SRRM4: variants seen among roughly 807,000 people sequenced by gnomAD.
SRRM4 encodes serine/arginine repetitive matrix 4, also known as serine/arginine repetitive matrix protein 4.
SRRM4 carries 33 observed loss-of-function variants against 68.9 expected under a neutral mutation model. The ratio of observed to expected loss-of-function variants is 0.48; its 90% confidence interval spans 0.36 to 0.64. The LOEUF is 0.64. SRRM4 is among the 30% of genes least tolerant of loss of function. The probability of loss-of-function intolerance (pLI) is 0.00; values close to 1 mark genes in which losing one functional copy is unlikely to be tolerated. For synonymous variants in SRRM4, 318 were observed against 318.8 expected (o/e 1.00, Z 0.03); for missense variants, 817 against 827.1 (o/e 0.99, Z 0.15).
chr12:119,075,769 G>A (rs1303720931), intron 1 of SRRM4, among the ~76,000 whole-genome samples: 2 of 52,550 alleles, frequency 3.8e-5, no homozygotes, highest in Non-Finnish European at 8.9e-5. Context: ...TGGTGATGAT[G>A]GTGGTGATGA....
At chr12:119,035,311 G>A (rs1953619681) in intron 1 of SRRM4, among the ~76,000 whole-genome samples, 1 of 152,118 alleles carries the variant, frequency 6.6e-6, no homozygotes, top group Admixed American at 6.5e-5. Flanking sequence ...CCCCTGCTTT[G>A]CTGGTAGAAT....
At chr12:119,055,389 T>C (rs943240810) in intron 1 of SRRM4, among the ~76,000 whole-genome samples, 1 of 152,136 alleles carries the variant, frequency 6.6e-6, no homozygotes, top group African/African-American at 2.4e-5. Context: ...GTAATTAACA[T>C]TGTGGCTTTT....
chr12:119,142,127 G>A lies in SRRM4; in HGVS notation c.772-3254G>A, dbSNP rs374141038. Among the ~76,000 whole-genome samples the A allele has an allele frequency of 1.6e-3, 244 of 152,308 alleles. 1 individual carries two copies. The highest frequency in any genetic ancestry group is 5.8e-3 in the African/African-American group (240 of 41,562). On this transcript the variant is annotated intron_variant, in intron 8 of 12. Coordinates refer to ENST00000267260, the MANE Select transcript of SRRM4 (RefSeq NM_194286.4). ...GCTGTGGGGGCCAGGGTGGGATGGT[G>A]TGGAAGAGATGCTATTTGTGAAGTA...
chr12:119,116,915 T>A (rs1439837410), intron 3 of SRRM4, 22 bp from the exon 4 acceptor site: 1 of 1,612,236 alleles, frequency 6.2e-7, no homozygotes, highest in South Asian at 1.1e-5. Context: ...CCTTCTGAAA[T>A]GTGTCTTCTT....
At position 119,129,647 on chromosome 12, in the gene SRRM4, A is replaced by T. The variant is rs538729904; in HGVS notation, c.615-1031A>T. ...CATTAAACTGAATAACTGAATCTGG[A>T]TGGGGACCTTTTCTGTTTTTAAAGC... On this transcript the variant is annotated intron_variant, in intron 7 of 12. Transcript: ENST00000267260. Among the ~76,000 whole-genome samples the T allele has an allele frequency of 3.9e-5, 6 of 152,378 alleles. No homozygotes were observed. The South Asian group carries it at 1.0e-3, about 26-fold the overall frequency.
chr12:119,075,400 GATGATAATGATGGTGATGATGACAGTA>G (rs1301312389), intron 1 of SRRM4, among the ~76,000 whole-genome samples: 103 of 152,040 alleles, frequency 6.8e-4, no homozygotes, highest in African/African-American at 2.4e-3. Context: ...TGATGATGAT[GATGATAATGATGGTGATGATGACAGTA>G]ATGATGATGA....
intron 1 of SRRM4, among the ~76,000 whole-genome samples, chr12:119,083,456 C>T (rs1953961596): frequency 6.6e-6 from 1 of 152,004 alleles, no homozygotes; most frequent in Non-Finnish European, 1.5e-5. Context: ...GGATAAATAT[C>T]CCAGCTCCCT....
chr12:119,117,073 C>T, intron 4 of SRRM4, 65 bp downstream of exon 4: 1 of 1,302,554 alleles, frequency 7.7e-7, no homozygotes, highest in Non-Finnish European at 1.1e-6. Flanking sequence ...GTTGATGGCA[C>T]TAAAAGGTCA....
chr12:119,121,702 A>G (rs1465918976), intron 5 of SRRM4, among the ~76,000 whole-genome samples: 1 of 152,174 alleles, frequency 6.6e-6, no homozygotes, highest in Non-Finnish European at 1.5e-5. Flanking sequence ...GCCTCCACCC[A>G]TAGGTTGTGG....
intron 1 of SRRM4, among the ~76,000 whole-genome samples, chr12:119,036,071 G>A (rs1003365801): frequency 3.3e-5 from 5 of 152,160 alleles, no homozygotes; most frequent in African/African-American, 1.2e-4. Context: ...ATAAGAGATA[G>A]ATGGAGCCAA....
chr12:119,089,715 C>T (rs1954002644), intron 1 of SRRM4, among the ~76,000 whole-genome samples: 1 of 151,452 alleles, frequency 6.6e-6, no homozygotes, highest in Non-Finnish European at 1.5e-5. Flanking sequence ...GTATAGACCA[C>T]CCTCTCTATT....
chr12:118,982,097 G>A (rs1280411528), intron 1 of SRRM4, 84 bp downstream of exon 1: 1 of 1,487,852 alleles, frequency 6.7e-7, no homozygotes. Context: ...GTGGATGCAG[G>A]CAGCCGGGCC....
At chr12:119,132,923 G>A (rs143168346) in intron 8 of SRRM4, 18 of 152,266 alleles carry the variant, frequency 1.2e-4, no homozygotes, top group African/African-American at 4.3e-4. Context: ...TTACTTAAAT[G>A]TTTCTGAGCT....
chr12:119,079,889 A>ATT (rs1412489649), intron 1 of SRRM4, among the ~76,000 whole-genome samples: 1 of 34,372 alleles, frequency 2.9e-5, no homozygotes, highest in African/African-American at 1.6e-4. Flanking sequence ...AATATTCTGA[A>ATT]GTTTTTTTTT....
In SRRM4 at chr12:118,981,774, T is replaced by A; in HGVS notation, c.-109T>A. ...TCCGATCTCTCCCACCCCACCCCTC[T>A]CTGGGTTTCACCCGGACAGAGCCGG... On this transcript the variant is annotated 5_prime_UTR_variant, in exon 1 of 13. Coordinates refer to ENST00000267260, the MANE Select transcript of SRRM4 (RefSeq NM_194286.4). The A allele has an allele frequency of 5.8e-5, 68 of 1,175,868 alleles. No individual in the cohort carries two copies. Among genetic ancestry groups the A allele is most frequent in the African/African-American group, 1.7e-4 (11 of 63,788 alleles). The allele number at this position is 1,175,868 out of a possible 1,614,324, so 72.8% of individuals were successfully genotyped here.
intron 8 of SRRM4, among the ~76,000 whole-genome samples, chr12:119,137,214 G>T (rs11064681): frequency 0.67 from 101,541 of 151,806 alleles, 35,469 homozygotes; most frequent in African/African-American, 0.88. Context: ...AAAAAAAAAT[G>T]TATAGCCGCC....
chr12:119,023,586 A>G (rs1033575748), intron 1 of SRRM4, among the ~76,000 whole-genome samples: 5 of 152,218 alleles, frequency 3.3e-5, no homozygotes, highest in African/African-American at 1.2e-4. Flanking sequence ...GTCTCCTGAA[A>G]GCAGCCAGTG....
intron 1 of SRRM4, among the ~76,000 whole-genome samples, chr12:119,009,637 G>A (rs1280578619): frequency 6.6e-6 from 1 of 152,156 alleles, no homozygotes; most frequent in Non-Finnish European, 1.5e-5. Flanking sequence ...GAGTTCTTCT[G>A]TGCAAAATGG....
At chr12:119,023,886 T>C (rs1462057793) in intron 1 of SRRM4, among the ~76,000 whole-genome samples, 3 of 152,178 alleles carry the variant, frequency 2.0e-5, no homozygotes, top group Non-Finnish European at 2.9e-5. Flanking sequence ...CCAAATATTT[T>C]ACTTACCCCT....
Sources: gnomAD v4.1 joint callset for allele counts (sites outside exome capture counted in the v4.1 genomes callset) on GRCh38, gnomAD v4.1.1 for gene constraint, MANE v1.5 for transcripts, NCBI Gene and HGNC (gene_info 2026-07-23, HGNC 2026-07-21) for gene names.